Variants in RCL1 observed in about 807,000 individuals in gnomAD.
RCL1 encodes the protein RNA terminal phosphate cyclase like 1.
In RCL1, 24 loss-of-function variants were observed where a neutral mutation model predicts 42.4. The observed-to-expected ratio is 0.57, with a 90% CI of 0.41 to 0.80. The LOEUF is 0.80. Ranked by LOEUF, RCL1 falls within the 30% of genes least tolerant of loss-of-function variation. The pLI, the probability that RCL1 is intolerant of heterozygous loss-of-function variation, is 0.00. For missense variants in RCL1, 578 were observed against 467.9 expected, an observed-to-expected ratio of 1.24 and a Z score of -2.17; for synonymous variants, 228 against 177.3, an observed-to-expected ratio of 1.29 and a Z score of -2.27.
intron 2 of RCL1, among the ~76,000 whole-genome samples, chr9:4,824,863 G>GT (rs1027327901): frequency 2.0e-5 from 3 of 152,150 alleles, no homozygotes; most frequent in African/African-American, 7.2e-5. Flanking sequence ...ATTGCTGGAG[G>GT]TTTTTTCAGT....
chr9:4,835,769 T>C (rs896288423), intron 5 of RCL1, among the ~76,000 whole-genome samples: 3 of 152,230 alleles, frequency 2.0e-5, no homozygotes, highest in African/African-American at 7.2e-5. Context: ...TGGTTGCCCG[T>C]ATATCTTTAG....
chr9:4,808,200 G>A (rs1291926211), intron 1 of RCL1, among the ~76,000 whole-genome samples: 1 of 151,794 alleles, frequency 6.6e-6, no homozygotes, highest in Non-Finnish European at 1.5e-5. Flanking sequence ...ATTTTTCTTT[G>A]CATATTTTAC....
chr9:4,849,310 G>T, intron 7 of RCL1, 137 bp from the exon 8 acceptor site: 2 of 641,776 alleles, frequency 3.1e-6, no homozygotes, highest in Admixed American at 2.7e-5. Flanking sequence ...ACTCTTATAA[G>T]ACCTGTATTC....
rs756103091 is a variant in RCL1, at chr9:4,793,054, G to A, written c.-38G>A. On this transcript the variant is annotated 5_prime_UTR_variant, in exon 1 of 9. Transcript: ENST00000381750. ...AGTCCCGCGTCTGTCCGAAGTCGCC[G>A]CTCTCGGGCTGCTCACGTCTCTTCG... 3 of 1,584,222 alleles carry A rather than the reference G, an allele frequency of 1.9e-6. No individual in the cohort carries two copies. The highest frequency in any genetic ancestry group is 2.7e-5 in the African/African-American group (2 of 73,118).
intron 1 of RCL1, among the ~76,000 whole-genome samples, chr9:4,801,964 G>A (rs555536205): frequency 1.3e-3 from 202 of 151,680 alleles, no homozygotes; most frequent in African/African-American, 4.7e-3. Context: ...GCTGGAGTGC[G>A]GTGGTGCAAT....
At chr9:4,855,274 G>A (rs546451239) in intron 8 of RCL1, among the ~76,000 whole-genome samples, 122 of 152,014 alleles carry the variant, frequency 8.0e-4, no homozygotes, top group Non-Finnish European at 1.6e-3. Flanking sequence ...AGCCCCTACT[G>A]CCTAGAATGG....
intron 2 of RCL1, among the ~76,000 whole-genome samples, chr9:4,825,094 T>C (rs1438298031): frequency 1.3e-5 from 2 of 151,600 alleles, no homozygotes; most frequent in African/African-American, 2.4e-5. Context: ...TTTTTTTTTT[T>C]AGTAGAGACA....
intron 8 of RCL1, among the ~76,000 whole-genome samples, chr9:4,850,141 T>C (rs12375841): frequency 0.33 from 50,246 of 152,082 alleles, 8,582 homozygotes; most frequent in South Asian, 0.46. Flanking sequence ...AAGCATTTCC[T>C]ATTGATAGTA....
chr9:4,793,108 A>G lies in RCL1; in HGVS notation c.17A>G (p.His6Arg), dbSNP rs1431145156. 6.2e-7 allele frequency: 1 copy of G among 1,608,620 alleles called. No individual in the cohort carries two copies. The highest frequency in any genetic ancestry group is 1.7e-5 in the Admixed American group (1 of 59,412). Residue 6 changes from histidine to arginine, a missense_variant, in exon 1 of 9, where the codon CAC becomes CGC. His to Arg is a conservative substitution (Grantham distance 29, BLOSUM62 0). Coordinates refer to ENST00000381750, the MANE Select transcript of RCL1 (RefSeq NM_005772.5). ...AGCGCGCACATGGCGACTCAGGCGCACTCCCTCAGCTACGCAGGGTGCAAC... is the reference window on the plus strand; with the variant it reads ...AGCGCGCACATGGCGACTCAGGCGCGCTCCCTCAGCTACGCAGGGTGCAAC... MATQA[H>R]SLSYAGCNFL...
chr9:4,817,112 C>T (rs978545622), intron 1 of RCL1, among the ~76,000 whole-genome samples: 12 of 144,646 alleles, frequency 8.3e-5, no homozygotes, highest in South Asian at 2.3e-4. Context: ...CCACTGTTCC[C>T]GGCCAATAAT....
At chr9:4,830,290 G>T (rs537640197) in intron 3 of RCL1, among the ~76,000 whole-genome samples, 3 of 152,316 alleles carry the variant, frequency 2.0e-5, no homozygotes, top group African/African-American at 7.2e-5. Context: ...AAGAGCTGAG[G>T]TTGGGATTTT....
At chr9:4,814,246 C>G (rs925191963) in intron 1 of RCL1, among the ~76,000 whole-genome samples, 6 of 115,256 alleles carry the variant, frequency 5.2e-5, no homozygotes, top group South Asian at 2.7e-4. Flanking sequence ...CTTTCTATAC[C>G]TAACGTAAGA....
rs138474156 is a variant in RCL1, at chr9:4,827,014, A to T, written c.365A>T (p.Asn122Ile). The T allele has an allele frequency of 6.2e-7, 1 of 1,614,194 alleles. No homozygotes were observed. Among genetic ancestry groups the T allele is most frequent in the Admixed American group, 1.7e-5 (1 of 60,024 alleles). Residue 122 changes from asparagine to isoleucine, a missense_variant, in exon 3 of 9, where the codon AAT becomes ATT. Physicochemically the swap from Asn to Ile is moderately radical, Grantham distance 149. Coordinates refer to ENST00000381750, the MANE Select transcript of RCL1 (RefSeq NM_005772.5). ...PLKIVLRGVT[N>I]DQVDPSVDVL... ...AAAATAGTTCTACGAGGAGTGACCA[A>T]TGATCAGGTTGACCCTTCAGTGAGT...
chr9:4,830,786 CCTCT>C (rs1816917249), intron 3 of RCL1, among the ~76,000 whole-genome samples: 2 of 152,146 alleles, frequency 1.3e-5, no homozygotes. Flanking sequence ...CAGGTTTCTT[CCTCT>C]CTTTTTTCTT....
At position 4,809,655 on chromosome 9, in the gene RCL1, C is replaced by T. The variant is rs148545058; in HGVS notation, c.137-13893C>T. Among the ~76,000 whole-genome samples, 575 of 152,218 alleles carry T rather than the reference C, an allele frequency of 3.8e-3. 5 individuals carry two copies. Among genetic ancestry groups the T allele is most frequent in the African/African-American group, 0.013 (535 of 41,544 alleles). ...AAATAGAAAAAATGGAATGCGAGAT[C>T]GAATCAAAATATATGAAATTCTCTT... On this transcript the variant is annotated intron_variant, in intron 1 of 8. Transcript: ENST00000381750.
At chr9:4,836,973 G>T (rs998917507) in intron 5 of RCL1, among the ~76,000 whole-genome samples, 2 of 152,146 alleles carry the variant, frequency 1.3e-5, no homozygotes, top group African/African-American at 4.8e-5. Context: ...GCCCAGCCTT[G>T]TGTGTACCAG....
intron 1 of RCL1, among the ~76,000 whole-genome samples, chr9:4,811,138 C>G (rs1816158473): frequency 6.6e-6 from 1 of 151,948 alleles, no homozygotes; most frequent in African/African-American, 2.4e-5. Context: ...AAAAATTAGC[C>G]AGGTGTGGTG....
At chr9:4,816,886 G>A (rs759800003) in intron 1 of RCL1, among the ~76,000 whole-genome samples, 6 of 152,030 alleles carry the variant, frequency 3.9e-5, no homozygotes, top group African/African-American at 9.7e-5. Flanking sequence ...GCGCGATCTC[G>A]GCTCACTGCA....
chr9:4,834,613 G>A (rs1291054233), intron 5 of RCL1, among the ~76,000 whole-genome samples: 1 of 151,996 alleles, frequency 6.6e-6, no homozygotes, highest in African/African-American at 2.4e-5. Flanking sequence ...ATTCGGTGAA[G>A]GAACCAAATA....
Sources: gnomAD v4.1 joint callset for allele counts (sites outside exome capture counted in the v4.1 genomes callset) on GRCh38, gnomAD v4.1.1 for gene constraint, MANE v1.5 for transcripts, NCBI Gene and HGNC (gene_info 2026-07-23, HGNC 2026-07-21) for gene names.